Variants in JAK2 observed in about 807,000 individuals in gnomAD.
JAK2 encodes Janus kinase 2, also known as tyrosine-protein kinase JAK2.
JAK2 carries 86 observed loss-of-function variants against 139.3 expected under a neutral mutation model. The observed-to-expected ratio is 0.62, with a 90% CI of 0.52 to 0.74. The LOEUF (loss-of-function observed/expected upper bound fraction) is 0.74. JAK2 is among the 30% of genes least tolerant of loss of function. The probability of loss-of-function intolerance (pLI) is 0.00; values close to 1 mark genes in which losing one functional copy is unlikely to be tolerated. For missense variants in JAK2, 1,421 were observed against 1,360.3 expected (o/e 1.04, Z -0.70); for synonymous variants, 490 against 437.7 (o/e 1.12, Z -1.49).
intron 2 of JAK2, among the ~76,000 whole-genome samples, chr9:5,001,794 A>G (rs2129848125): frequency 6.6e-6 from 1 of 152,160 alleles, no homozygotes; most frequent in Admixed American, 6.5e-5. Context: ...CAGGGAAGTC[A>G]CTTTGGCCAA....
chr9:5,056,597 C>G (rs1289861309), intron 8 of JAK2, among the ~76,000 whole-genome samples: 3 of 152,008 alleles, frequency 2.0e-5, no homozygotes, highest in African/African-American at 7.2e-5. Context: ...AGACTGTGAG[C>G]CTTTTGAAGG....
At chr9:5,043,560 A>G (rs186458728) in intron 4 of JAK2, among the ~76,000 whole-genome samples, 221 of 152,330 alleles carry the variant, frequency 1.5e-3, no homozygotes, top group South Asian at 2.7e-3. Context: ...AAGGGTAAAC[A>G]AAGAGTTACC....
chr9:5,047,967 A>G (rs995910122), intron 5 of JAK2, among the ~76,000 whole-genome samples: 3 of 152,280 alleles, frequency 2.0e-5, no homozygotes, highest in Admixed American at 6.5e-5. Flanking sequence ...TTTAAGGAAT[A>G]GTATTTATTA....
rs1389078248 is a variant in JAK2, at chr9:5,075,274, T to C, written c.1864+1489T>C. The stretch of plus-strand genomic sequence containing the variant: ...ATCTAGCAAGGACCATTGATGAAGA[T>C]GGTGACACTAACAAACAGATTTTCA... On this transcript the variant is annotated intron_variant, in intron 14 of 24. Transcript: ENST00000381652. Among the ~76,000 whole-genome samples the C allele has an allele frequency of 3.3e-5, 5 of 152,326 alleles. No individual in the cohort carries two copies. The East Asian group carries it at 5.8e-4, about 18-fold the overall frequency.
At chr9:5,119,715 T>C (rs371078358) in intron 22 of JAK2, among the ~76,000 whole-genome samples, 2 of 152,092 alleles carry the variant, frequency 1.3e-5, no homozygotes, top group African/African-American at 4.8e-5. Context: ...AATTCTGACT[T>C]TGGGGAATAA....
At chr9:4,992,872 G>C (rs546449933) in intron 2 of JAK2, among the ~76,000 whole-genome samples, 2 of 152,250 alleles carry the variant, frequency 1.3e-5, no homozygotes, top group South Asian at 4.2e-4. Flanking sequence ...TCCTTGATTA[G>C]GTCTCAGTCC....
At chr9:5,045,214 A>G (rs1015457315) in intron 5 of JAK2, among the ~76,000 whole-genome samples, 1 of 152,190 alleles carries the variant, frequency 6.6e-6, no homozygotes, top group Non-Finnish European at 1.5e-5. Flanking sequence ...TTGGGTAAAA[A>G]TAGGCACTTG....
chr9:5,008,352 A>T (rs1373024622), intron 2 of JAK2, among the ~76,000 whole-genome samples: 1 of 152,184 alleles, frequency 6.6e-6, no homozygotes, highest in Non-Finnish European at 1.5e-5. Flanking sequence ...AAGGATATGC[A>T]TTCTTCAGTT....
At chr9:5,062,055 T>C (rs1283398082) in intron 8 of JAK2, among the ~76,000 whole-genome samples, 1 of 152,142 alleles carries the variant, frequency 6.6e-6, no homozygotes, top group Admixed American at 6.6e-5. Context: ...ATAGGCCCAG[T>C]GTGTGGTGCC....
chr9:4,991,439 A>G (rs1326784549), intron 2 of JAK2, among the ~76,000 whole-genome samples: 1 of 152,210 alleles, frequency 6.6e-6, no homozygotes, highest in Admixed American at 6.5e-5. Flanking sequence ...TTTTTATAAT[A>G]TAAAGGGCCA....
Position 5,046,376 on chromosome 9 carries a change from C to T in JAK2, c.468+1856C>T, listed in dbSNP as rs139683468. On this transcript the variant is annotated intron_variant, in intron 5 of 24. Transcript: ENST00000381652. ...TCTAGGTTGCCTTTTCATTCTGTTG[C>T]TTGTCTTTTGATGGACAAAAGTTTT... Among the ~76,000 whole-genome samples the T allele has an allele frequency of 1.2e-3, 177 of 152,172 alleles. 1 individual carries two copies. The highest frequency in any genetic ancestry group is 2.5e-3 in the Admixed American group (38 of 15,274).
At position 5,069,907 on chromosome 9, in the gene JAK2, T is replaced by A; in HGVS notation, c.1514-18T>A. 1 of 1,533,062 alleles carries A rather than the reference T, an allele frequency of 6.5e-7. No homozygotes were observed. 95.0% of individuals were successfully genotyped at this position (1,533,062 alleles called of 1,614,324 possible). A position where few individuals can be genotyped will look rare whatever the true frequency, so the allele number is the denominator to read the frequency against. ...TCAGTGTATTTTGAAGTGATATATATGTATTTTATTTTTTCAGATAAATCA... is the reference window on the plus strand; with the variant it reads ...TCAGTGTATTTTGAAGTGATATATAAGTATTTTATTTTTTCAGATAAATCA... On this transcript the variant is annotated intron_variant, in intron 11 of 24. Coordinates refer to ENST00000381652, the MANE Select transcript of JAK2 (RefSeq NM_004972.4).
intron 22 of JAK2, among the ~76,000 whole-genome samples, chr9:5,120,167 G>A (rs1233464208): frequency 6.6e-6 from 1 of 152,204 alleles, no homozygotes; most frequent in South Asian, 2.1e-4. Context: ...CTCCTTCAGA[G>A]AGGAGGAACA....
intron 22 of JAK2, among the ~76,000 whole-genome samples, chr9:5,118,159 TCAAA>T (rs896185175): frequency 7.2e-4 from 110 of 152,172 alleles, no homozygotes; most frequent in Admixed American, 1.2e-3. Context: ...AGACTCCATC[TCAAA>T]CAAACAAATA....
At chr9:5,016,467 T>C (rs1400242387) in intron 2 of JAK2, among the ~76,000 whole-genome samples, 2 of 152,118 alleles carry the variant, frequency 1.3e-5, no homozygotes, top group Non-Finnish European at 2.9e-5. Context: ...TTGCAAAATA[T>C]ATGAAGAAAT....
chr9:5,093,039 A>T (rs1820706820), intron 22 of JAK2, among the ~76,000 whole-genome samples: 1 of 152,140 alleles, frequency 6.6e-6, no homozygotes, highest in Admixed American at 6.5e-5. Context: ...ACTCTACGGA[A>T]CTCCTAACAT....
At chr9:5,015,712 C>T (rs1384086797) in intron 2 of JAK2, among the ~76,000 whole-genome samples, 1 of 151,986 alleles carries the variant, frequency 6.6e-6, no homozygotes, top group African/African-American at 2.4e-5. Context: ...GTCACTTATT[C>T]TTTTGATTCT....
At chr9:5,059,188 C>A (rs1191264670) in intron 8 of JAK2, among the ~76,000 whole-genome samples, 1 of 152,156 alleles carries the variant, frequency 6.6e-6, no homozygotes, top group African/African-American at 2.4e-5. Context: ...CAGAATAGTT[C>A]TCTTACTCCT....
chr9:5,114,915 A>C (rs1823005309), intron 22 of JAK2: 1 of 186,930 alleles, frequency 5.3e-6, no homozygotes, highest in African/African-American at 2.4e-5. Context: ...CACCCCCAAT[A>C]AACAGTGCCT....
Sources: allele counts gnomAD v4.1 joint callset (sites outside exome capture counted in the v4.1 genomes callset), GRCh38; gene constraint gnomAD v4.1.1; transcripts MANE v1.5; gene names NCBI Gene and HGNC (gene_info 2026-07-23, HGNC 2026-07-21).